ATP2B1: variants seen among roughly 807,000 people sequenced by gnomAD.
ATP2B1 encodes the protein ATPase plasma membrane Ca2+ transporting 1.
ATP2B1 carries 14 observed loss-of-function variants against 124.2 expected under a neutral mutation model. The ratio of observed to expected loss-of-function variants is 0.11; its 90% CI spans 0.07 to 0.18. The LOEUF (loss-of-function observed/expected upper bound fraction) is 0.18, where lower values mean the gene tolerates loss of function less well. Ranked by LOEUF, ATP2B1 falls within the 10% of genes least tolerant of loss-of-function variation. ATP2B1 has a pLI of 1.00. For synonymous variants in ATP2B1, 449 were observed against 492.4 expected, an observed-to-expected ratio of 0.91 and a Z score of 1.17; for missense variants, 763 against 1,466.1, an observed-to-expected ratio of 0.52 and a Z score of 7.83.
At chr12:89,673,040 C>T (rs1888182382) in intron 1 of ATP2B1, among the ~76,000 whole-genome samples, 2 of 152,148 alleles carry the variant, frequency 1.3e-5, no homozygotes, top group Admixed American at 1.3e-4. Context: ...AATCTTATTC[C>T]TATCCTCAAA....
chr12:89,604,091 G>C, intron 16 of ATP2B1, 64 bp downstream of exon 16: 3 of 1,487,468 alleles, frequency 2.0e-6, no homozygotes, highest in East Asian at 4.8e-5. Context: ...TATTTTTTAA[G>C]AGGCATTTAA....
Position 89,603,527 on chromosome 12 carries a change from C to T in ATP2B1, c.2848+185G>A, listed in dbSNP as rs899229003. On this transcript the variant is annotated intron_variant, in intron 17 of 20. Transcript: ENST00000428670. This position sits in a 1 kb window ranked among gnomAD's most constrained non-coding sequence, Gnocchi z 4.3. ...AGGACTGTTTATTCTCCTGTTTATT[C>T]TACTATCTAGCTTATTGTCCTCCCA... The T allele has an allele frequency of 1.5e-6, 1 of 667,720 alleles. No homozygotes were observed. Among genetic ancestry groups the T allele is most frequent in the Admixed American group, 2.9e-5 (1 of 34,274 alleles). The allele number at this position is 667,720 out of a possible 1,614,324, so 41.4% of individuals were successfully genotyped here.
chr12:89,698,972 T>TG (rs1891505278), intron 1 of ATP2B1, among the ~76,000 whole-genome samples: 1 of 152,164 alleles, frequency 6.6e-6, no homozygotes, highest in Non-Finnish European at 1.5e-5. Flanking sequence ...CTTCCAGCCT[T>TG]CTGCAAGGAT....
chr12:89,644,653 A>G (rs1884163387), intron 2 of ATP2B1, among the ~76,000 whole-genome samples: 1 of 152,200 alleles, frequency 6.6e-6, no homozygotes, highest in Non-Finnish European at 1.5e-5. Context: ...GGATGAGATT[A>G]GTCTATGCGT....
At chr12:89,641,835 C>G (rs1197940395) in intron 3 of ATP2B1, 1 of 185,220 alleles carries the variant, frequency 5.4e-6, no homozygotes, top group African/African-American at 2.3e-5. Flanking sequence ...AATTGTTTCA[C>G]AGTATAGTGT....
intron 8 of ATP2B1, 79 bp from the exon 9 acceptor site, chr12:89,624,476 T>G: frequency 1.7e-6 from 2 of 1,154,468 alleles, no homozygotes; most frequent in Non-Finnish European, 2.4e-6. Context: ...AATTAAACAC[T>G]GTAAAGAGTT....
chr12:89,610,327 G>A lies in ATP2B1; in HGVS notation c.2335+94C>T, dbSNP rs570006617. Reference sequence around the variant, plus strand: ...TTTTATTAAAACAGATGATATCCATGACTCAATCTAATATTCAGTATCTAT... The same window carrying A: ...TTTTATTAAAACAGATGATATCCATAACTCAATCTAATATTCAGTATCTAT... On this transcript the variant is annotated intron_variant, in intron 14 of 20. Coordinates refer to ENST00000428670, the MANE Select transcript of ATP2B1 (RefSeq NM_001366521.1). The A allele has an allele frequency of 7.6e-6, 8 of 1,046,068 alleles. No individual in the cohort carries two copies. In the African/African-American group the frequency reaches 1.1e-4, roughly 15 times the overall value. The allele number at this position is 1,046,068 out of a possible 1,614,324, so 64.8% of individuals were successfully genotyped here. A position where few individuals can be genotyped will look rare whatever the true frequency, so the allele number is the denominator to read the frequency against.
intron 1 of ATP2B1, among the ~76,000 whole-genome samples, chr12:89,699,499 G>T (rs1205535885): frequency 6.6e-6 from 1 of 152,154 alleles, no homozygotes; most frequent in Non-Finnish European, 1.5e-5. Context: ...TGAAAGTTTG[G>T]GGGGAGCGGG....
chr12:89,687,827 T>C (rs1175802440), intron 1 of ATP2B1, among the ~76,000 whole-genome samples: 3 of 152,104 alleles, frequency 2.0e-5, no homozygotes, highest in Non-Finnish European at 4.4e-5. Flanking sequence ...ATATTTCATA[T>C]ATTTATTCAG....
chr12:89,617,044 A>G lies in ATP2B1; in HGVS notation c.1830-5T>C. The G allele has an allele frequency of 6.2e-7, 1 of 1,603,658 alleles. No homozygotes were observed. The highest frequency in any genetic ancestry group is 8.5e-7 in the Non-Finnish European group (1 of 1,170,640). On this transcript the variant is annotated splice_region_variant and splice_polypyrimidine_tract_variant and intron_variant, in intron 11 of 20. Transcript: ENST00000428670. ...GCACTCAAGATTTTGAAACACCTAA[A>G]AGGAAATGTTGAATCCAAACATCAA...
At chr12:89,699,500 G>C (rs1276520106) in intron 1 of ATP2B1, among the ~76,000 whole-genome samples, 1 of 152,166 alleles carries the variant, frequency 6.6e-6, no homozygotes, top group African/African-American at 2.4e-5. Flanking sequence ...GAAAGTTTGG[G>C]GGGAGCGGGT....
At chr12:89,659,674 G>A (rs1287987474) in intron 1 of ATP2B1, among the ~76,000 whole-genome samples, 1 of 152,114 alleles carries the variant, frequency 6.6e-6, no homozygotes, top group Admixed American at 6.5e-5. Context: ...TGTAATCCCA[G>A]CACTTTGGGA....
At chr12:89,707,904 T>C (rs1892681046) in intron 1 of ATP2B1, among the ~76,000 whole-genome samples, 1 of 152,180 alleles carries the variant, frequency 6.6e-6, no homozygotes. Context: ...TACAGACTCC[T>C]TCCTCAAAAA....
chr12:89,588,526 T>C lies in ATP2B1; in HGVS notation c.*2458A>G, dbSNP rs1189128917. The C allele has an allele frequency of 2.6e-5, 4 of 152,718 alleles. No homozygotes were observed. Among genetic ancestry groups the C allele is most frequent in the Non-Finnish European group, 4.4e-5 (3 of 67,990 alleles). The allele number at this position is 152,718 out of a possible 1,614,324, so 9.5% of individuals were successfully genotyped here. ...ACAGATTTCAGCTATACATACTATA[T>C]AATGGGATCCAAGATCTTTAACAGC... On this transcript the variant is annotated 3_prime_UTR_variant, in exon 21 of 21. Coordinates refer to ENST00000428670, the MANE Select transcript of ATP2B1 (RefSeq NM_001366521.1).
intron 20 of ATP2B1, among the ~76,000 whole-genome samples, chr12:89,595,485 A>C (rs1440043668): frequency 2.6e-5 from 4 of 151,960 alleles, no homozygotes; most frequent in African/African-American, 9.7e-5. Flanking sequence ...GAAGGGAAAA[A>C]GGTCTCTTCA....
chr12:89,644,284 T>A (rs913072017), intron 2 of ATP2B1, among the ~76,000 whole-genome samples: 1 of 152,216 alleles, frequency 6.6e-6, no homozygotes, highest in Non-Finnish European at 1.5e-5. Context: ...AGGAAAACAG[T>A]AGATTACTGT....
intron 12 of ATP2B1, among the ~76,000 whole-genome samples, chr12:89,615,666 T>C (rs1299512995): frequency 6.6e-6 from 1 of 152,200 alleles, no homozygotes; most frequent in Non-Finnish European, 1.5e-5. Context: ...CTCTCTTTCT[T>C]GGTTTAGATA....
intron 20 of ATP2B1, chr12:89,594,511 T>C (rs1023914362): frequency 1.1e-4 from 16 of 151,592 alleles, no homozygotes; most frequent in Admixed American, 9.9e-4. Context: ...AGCATACTTA[T>C]ACCCCTCGAA....
chr12:89,698,773 T>C (rs1259228018), intron 1 of ATP2B1, among the ~76,000 whole-genome samples: 1 of 152,202 alleles, frequency 6.6e-6, no homozygotes. Context: ...CAATGTCCGA[T>C]TCTTGAGGTC....
Sources: gnomAD v4.1 joint callset for allele counts (sites outside exome capture counted in the v4.1 genomes callset) on GRCh38, gnomAD v4.1.1 for gene constraint, Gnocchi (gnomAD v3.1) non-coding constraint, MANE v1.5 for transcripts, NCBI Gene and HGNC (gene_info 2026-07-23, HGNC 2026-07-21) for gene names.